The following MCTP2 variants were observed in gnomAD, a reference collection of about 807,000 sequenced individuals.
MCTP2 encodes the protein multiple C2 and transmembrane domain-containing protein 2.
A neutral mutation model predicts 111.6 loss-of-function variants in MCTP2; 132 were observed. That is an observed-to-expected ratio of 1.18 (90% CI 1.03 to 1.37). The LOEUF is 1.37. MCTP2 is among the 40% of genes most tolerant of loss of function. The pLI, the probability that MCTP2 is intolerant of heterozygous loss-of-function variation, is 0.00. For missense variants in MCTP2, 1,183 were observed against 1,067.9 expected, an observed-to-expected ratio of 1.11 and a Z score of -1.50; for synonymous variants, 395 against 387.7, an observed-to-expected ratio of 1.02 and a Z score of -0.22.
intron 17 of MCTP2, among the ~76,000 whole-genome samples, chr15:94,428,644 T>C (rs1356379463): frequency 2.6e-5 from 4 of 152,180 alleles, no homozygotes; most frequent in Admixed American, 2.0e-4. Flanking sequence ...GACCTTCTCA[T>C]TTCTACCTTC....
intron 1 of MCTP2, among the ~76,000 whole-genome samples, chr15:94,249,039 G>A (rs980236217): frequency 1.3e-5 from 2 of 152,178 alleles, no homozygotes; most frequent in Non-Finnish European, 2.9e-5. Context: ...GCAGATAGAT[G>A]CCTGTACTGA....
At chr15:94,301,093 C>A (rs1368658414) in intron 2 of MCTP2, among the ~76,000 whole-genome samples, 1 of 152,146 alleles carries the variant, frequency 6.6e-6, no homozygotes, top group East Asian at 1.9e-4. Flanking sequence ...CCTTTTAACG[C>A]AACCATTTTT....
chr15:94,455,487 G>T (rs551394478), intron 19 of MCTP2, among the ~76,000 whole-genome samples: 1 of 151,776 alleles, frequency 6.6e-6, no homozygotes, highest in African/African-American at 2.4e-5. Context: ...CGCCAGGCTC[G>T]AGTGCAGTGG....
intron 14 of MCTP2, among the ~76,000 whole-genome samples, chr15:94,395,744 A>G (rs11631428): frequency 1.1e-3 from 172 of 152,332 alleles, no homozygotes; most frequent in Non-Finnish European, 1.8e-3. Flanking sequence ...AAAAAAGTTA[A>G]ATAGCTTAAG....
At chr15:94,267,800 C>A (rs1055554721) in intron 1 of MCTP2, among the ~76,000 whole-genome samples, 13 of 151,486 alleles carry the variant, frequency 8.6e-5, no homozygotes, top group African/African-American at 2.9e-4. Context: ...TTACTTTTAG[C>A]CATTCTAGGA....
At chr15:94,419,778 G>A (rs960290333) in intron 17 of MCTP2, among the ~76,000 whole-genome samples, 1 of 147,042 alleles carries the variant, frequency 6.8e-6, no homozygotes, top group African/African-American at 2.5e-5. Context: ...TTTACAAATC[G>A]AAAATTTGTG....
At chr15:94,315,822 C>G (rs294550) in intron 4 of MCTP2, among the ~76,000 whole-genome samples, 185 bp downstream of exon 4, 1 of 151,968 alleles carries the variant, frequency 6.6e-6, no homozygotes, top group South Asian at 2.1e-4. Flanking sequence ...ACCTTACTAT[C>G]CTTCTTTATT....
intron 14 of MCTP2, among the ~76,000 whole-genome samples, chr15:94,387,995 A>T (rs1424006726): frequency 6.6e-6 from 1 of 152,208 alleles, no homozygotes; most frequent in Non-Finnish European, 1.5e-5. Context: ...GTATAGATTG[A>T]TCAAGTGTGC....
Position 94,298,315 on chromosome 15 carries a change from G to A in MCTP2, c.50G>A (p.Arg17Lys). The A allele has an allele frequency of 6.2e-7, 1 of 1,614,074 alleles. No homozygotes were observed. Among genetic ancestry groups the A allele is most frequent in the Non-Finnish European group, 8.5e-7 (1 of 1,180,008 alleles). ...SVWGSLKQRT[R>K]PLLINLSKKK... ...TGGGGCTCATTAAAACAGCGGACCAGGCCATTGTTGATCAACTTGAGCAAG... is the reference window on the plus strand; with the variant it reads ...TGGGGCTCATTAAAACAGCGGACCAAGCCATTGTTGATCAACTTGAGCAAG... The change falls in exon 2 of 23, where the codon AGG (arginine) becomes AAG (lysine). Residue 17 changes from arginine to lysine, a missense_variant. Transcript: ENST00000357742.
intron 2 of MCTP2, among the ~76,000 whole-genome samples, chr15:94,308,928 A>G (rs955817955): frequency 5.3e-5 from 8 of 152,246 alleles, no homozygotes; most frequent in African/African-American, 9.6e-5. Context: ...TGAGCAAGGT[A>G]TATGGACACA....
At chr15:94,325,237 G>A (rs2076807479) in intron 4 of MCTP2, among the ~76,000 whole-genome samples, 1 of 152,222 alleles carries the variant, frequency 6.6e-6, no homozygotes, top group Non-Finnish European at 1.5e-5. Flanking sequence ...TTAACCTGGT[G>A]TGTGTGCTTG....
chr15:94,454,106 A>AT (rs2084646906), intron 19 of MCTP2, among the ~76,000 whole-genome samples: 1 of 152,158 alleles, frequency 6.6e-6, no homozygotes, highest in South Asian at 2.1e-4. Flanking sequence ...AATTATTTTC[A>AT]TTTTTTTACC....
At chr15:94,475,501 T>C (rs978156971) in intron 21 of MCTP2, among the ~76,000 whole-genome samples, 2 of 152,178 alleles carry the variant, frequency 1.3e-5, no homozygotes, top group African/African-American at 4.8e-5. Flanking sequence ...AAACCCTTTG[T>C]GTGTTGGGGA....
chr15:94,260,240 C>G (rs1387278853), intron 1 of MCTP2, among the ~76,000 whole-genome samples: 1 of 152,146 alleles, frequency 6.6e-6, no homozygotes, highest in African/African-American at 2.4e-5. Context: ...GACTCAGGAT[C>G]CAGTGGGCTT....
chr15:94,428,361 CA>C (rs1712202916), intron 17 of MCTP2, among the ~76,000 whole-genome samples: 1 of 152,152 alleles, frequency 6.6e-6, no homozygotes, highest in African/African-American at 2.4e-5. Context: ...GGAATAAAGT[CA>C]CTCAAATTAC....
In MCTP2 at chr15:94,440,260, C is replaced by T. The variant is rs2083704176; in HGVS notation, c.2170C>T (p.Pro724Ser). 4 of 1,614,058 alleles carry T rather than the reference C, an allele frequency of 2.5e-6. No homozygotes were observed. Among genetic ancestry groups the T allele is most frequent in the African/African-American group, 1.3e-5 (1 of 75,024 alleles). ...LLIFVYNFIR[P>S]VKGKVSSIQD... ...GATCTTTGTCTACAATTTCATCAGA[C>T]CTGTGAAAGGCAAGGTCAGCAGCAT... The change falls in exon 18 of 23, where the codon CCT becomes TCT. Residue 724 changes from proline to serine, a missense_variant. Transcript: ENST00000357742.
chr15:94,384,160 G>GCT, intron 13 of MCTP2, 36 bp downstream of exon 13: 2 of 1,441,690 alleles, frequency 1.4e-6, no homozygotes, highest in Non-Finnish European at 1.9e-6. Flanking sequence ...TTTCTGCTGT[G>GCT]CTTGGAAGGT....
chr15:94,245,396 A>G (rs1455731422), intron 1 of MCTP2, among the ~76,000 whole-genome samples: 2 of 52,440 alleles, frequency 3.8e-5, no homozygotes, highest in African/African-American at 6.5e-5. Context: ...ATTTATATAC[A>G]TGTGTGTATA....
At chr15:94,432,027 C>G (rs1374072216) in intron 17 of MCTP2, among the ~76,000 whole-genome samples, 1 of 152,088 alleles carries the variant, frequency 6.6e-6, no homozygotes, top group East Asian at 1.9e-4. Context: ...TTCAGATGAA[C>G]CAGCTTCTAG....
Sources: gnomAD v4.1 joint callset for allele counts (sites outside exome capture counted in the v4.1 genomes callset) on GRCh38, gnomAD v4.1.1 for gene constraint, MANE v1.5 for transcripts, NCBI Gene and HGNC (gene_info 2026-07-23, HGNC 2026-07-21) for gene names.